The following RNF150 variants were observed in gnomAD, a reference collection of about 807,000 sequenced individuals.
The protein encoded by RNF150 is ring finger protein 150.
RNF150 carries 24 observed loss-of-function variants against 39.3 expected under a neutral mutation model. The ratio of observed to expected loss-of-function variants is 0.61; its 90% CI spans 0.44 to 0.86. RNF150 has a LOEUF of 0.86. Among genes scored for constraint, RNF150 ranks in the 40% least tolerant of loss-of-function variants. The probability of loss-of-function intolerance (pLI) is 0.00; values close to 1 mark genes in which losing one functional copy is unlikely to be tolerated. For missense variants in RNF150, 502 were observed against 587.8 expected (o/e 0.85, Z 1.51); for synonymous variants, 255 against 227.3 (o/e 1.12, Z -1.10).
upstream of RNF150, among the ~76,000 whole-genome samples, chr4:141,134,037 C>T (rs1726980991): frequency 6.6e-6 from 1 of 152,222 alleles, no homozygotes. Context: ...TACTGCCCAC[C>T]TGGAAGCAAA....
intron 1 of RNF150, among the ~76,000 whole-genome samples, chr4:141,184,046 T>C (rs530635671): frequency 2.0e-5 from 3 of 152,302 alleles, no homozygotes; most frequent in South Asian, 2.1e-4. Flanking sequence ...CTGGGTAAAA[T>C]GGTATTTCTG....
intron 1 of RNF150, among the ~76,000 whole-genome samples, chr4:140,989,772 A>T (rs1298105881): frequency 1.3e-5 from 2 of 152,142 alleles, no homozygotes; most frequent in Non-Finnish European, 2.9e-5. Context: ...ATAAAACACA[A>T]ATCTTAAGGA....
intron 1 of RNF150, among the ~76,000 whole-genome samples, chr4:141,012,594 C>G (rs564749705): frequency 6.6e-6 from 1 of 151,796 alleles, no homozygotes; most frequent in Non-Finnish European, 1.5e-5. Context: ...GCAGGCAGAT[C>G]ATGAGGTCAA....
At chr4:141,159,161 A>G (rs1476747698) in intron 1 of RNF150, among the ~76,000 whole-genome samples, 2 of 152,228 alleles carry the variant, frequency 1.3e-5, no homozygotes, top group African/African-American at 4.8e-5. Context: ...ACCAGAGGTC[A>G]GTAAACTTTC....
At chr4:140,920,945 C>A (rs1478813408) in intron 5 of RNF150, among the ~76,000 whole-genome samples, 2 of 151,704 alleles carry the variant, frequency 1.3e-5, no homozygotes, top group African/African-American at 4.8e-5. Context: ...GAACAAAAAA[C>A]CAAACACTGC....
At chr4:141,077,142 C>T (rs1382515929) in intron 1 of RNF150, among the ~76,000 whole-genome samples, 1 of 152,000 alleles carries the variant, frequency 6.6e-6, no homozygotes, top group Non-Finnish European at 1.5e-5. Flanking sequence ...TGTGTTATAC[C>T]CACTCAAAAT....
chr4:141,110,273 A>G (rs978605127), intron 1 of RNF150, among the ~76,000 whole-genome samples: 1 of 152,174 alleles, frequency 6.6e-6, no homozygotes, highest in Non-Finnish European at 1.5e-5. Context: ...CCCGAGAGGA[A>G]TCTGGGAACA....
intron 1 of RNF150, among the ~76,000 whole-genome samples, chr4:141,151,496 C>A (rs944499118): frequency 1.3e-4 from 20 of 149,660 alleles, no homozygotes; most frequent in African/African-American, 4.4e-4. Context: ...ATACTGAGAA[C>A]TGTAGGAATG....
At chr4:141,000,736 C>T (rs1734633216) in intron 1 of RNF150, among the ~76,000 whole-genome samples, 2 of 152,144 alleles carry the variant, frequency 1.3e-5, no homozygotes, top group South Asian at 4.1e-4. Context: ...TCCTCACATG[C>T]CAAAAATGTT....
At chr4:141,206,418 T>TAAAAA (rs1728375207) in intron 1 of RNF150, among the ~76,000 whole-genome samples, 1 of 43,460 alleles carries the variant, frequency 2.3e-5, no homozygotes, top group Non-Finnish European at 4.2e-5. Flanking sequence ...AGACTCAATC[T>TAAAAA]CAAAAAAAAA....
intron 1 of RNF150, among the ~76,000 whole-genome samples, chr4:141,187,634 T>A (rs1289740066): frequency 6.6e-6 from 1 of 152,220 alleles, no homozygotes; most frequent in Non-Finnish European, 1.5e-5. Context: ...TTGATCTTTG[T>A]TGGTTTAAAG....
In RNF150 at chr4:140,879,277, T is replaced by C. The variant is rs113491308; in HGVS notation, c.1199-10898A>G. On this transcript the variant is annotated intron_variant, in intron 6 of 6. Coordinates refer to ENST00000515673, the MANE Select transcript of RNF150 (RefSeq NM_020724.2). The stretch of plus-strand genomic sequence containing the variant: ...CTGTTTCCACACAAAAAAAATGCCA[T>C]TGGGATTTTGATAAAGATTCCATTG... Among the ~76,000 whole-genome samples the C allele has an allele frequency of 7.9e-5, 12 of 152,334 alleles. 1 individual carries two copies. The highest frequency in any genetic ancestry group is 2.2e-4 in the African/African-American group (9 of 41,578).
At chr4:140,893,465 C>T (rs1729830663) in intron 6 of RNF150, among the ~76,000 whole-genome samples, 1 of 152,200 alleles carries the variant, frequency 6.6e-6, no homozygotes, top group Non-Finnish European at 1.5e-5. Context: ...CAAGGCAAAA[C>T]CACAGAGTAG....
intron 1 of RNF150, among the ~76,000 whole-genome samples, chr4:141,181,822 C>T (rs1057315881): frequency 9.2e-5 from 14 of 152,106 alleles, no homozygotes; most frequent in Non-Finnish European, 1.6e-4. Context: ...CATGTCATAC[C>T]AATGGAAAAT....
chr4:140,919,546 G>C (rs967808237), intron 5 of RNF150, among the ~76,000 whole-genome samples: 1 of 151,148 alleles, frequency 6.6e-6, no homozygotes, highest in Non-Finnish European at 1.5e-5. Context: ...AGGATACAAA[G>C]AAATGGAAGA....
intron 1 of RNF150, among the ~76,000 whole-genome samples, chr4:141,014,789 C>G (rs1343640331): frequency 9.9e-6 from 1 of 100,540 alleles, no homozygotes; most frequent in Admixed American, 1.1e-4. Flanking sequence ...TGTTCCTTTA[C>G]TTTGTTGTTT....
intron 1 of RNF150, among the ~76,000 whole-genome samples, chr4:141,050,444 T>C (rs1736734229): frequency 6.6e-6 from 1 of 152,220 alleles, no homozygotes; most frequent in African/African-American, 2.4e-5. Flanking sequence ...ACATCTCATC[T>C]GAGAAAAGGC....
At position 140,866,382 on chromosome 4, in the gene RNF150, G is replaced by A. The variant is rs964484747; in HGVS notation, c.*1879C>T. The A allele has an allele frequency of 6.6e-6, 1 of 152,194 alleles. No homozygotes were observed. The highest frequency in any genetic ancestry group is 1.5e-5 in the Non-Finnish European group (1 of 68,036). The allele number at this position is 152,194 out of a possible 1,614,324, so 9.4% of individuals were successfully genotyped here. A position where few individuals can be genotyped will look rare whatever the true frequency, so the allele number is the denominator to read the frequency against. Reference sequence around the variant, plus strand: ...AAGAAGCCGAGGCTTAGTAAAGCGTGTGGTTCATCTAGGATTCTCGATTCA... The same window carrying A: ...AAGAAGCCGAGGCTTAGTAAAGCGTATGGTTCATCTAGGATTCTCGATTCA... On this transcript the variant is annotated 3_prime_UTR_variant, in exon 7 of 7. Transcript: ENST00000515673.
intron 1 of RNF150, among the ~76,000 whole-genome samples, chr4:141,123,556 A>G (rs1560749933): frequency 6.7e-6 from 1 of 150,358 alleles, no homozygotes; most frequent in African/African-American, 2.5e-5. Flanking sequence ...TAATCATTTT[A>G]TTTTTTTTAT....
Sources: allele counts gnomAD v4.1 joint callset (sites outside exome capture counted in the v4.1 genomes callset), GRCh38; gene constraint gnomAD v4.1.1; transcripts MANE v1.5; gene names NCBI Gene and HGNC (gene_info 2026-07-23, HGNC 2026-07-21).